The following PIK3AP1 variants were observed in gnomAD, a reference collection of about 807,000 sequenced individuals.
The protein encoded by PIK3AP1 is phosphoinositide 3-kinase adapter protein 1.
In PIK3AP1, 21 loss-of-function variants were observed where a neutral mutation model predicts 88.1. That is an observed-to-expected ratio of 0.24 (90% CI 0.17 to 0.34). The LOEUF (loss-of-function observed/expected upper bound fraction) is 0.34. Among genes scored for constraint, PIK3AP1 ranks in the 10% least tolerant of loss-of-function variants. The probability of loss-of-function intolerance (pLI) is 1.00; values close to 1 mark genes in which losing one functional copy is unlikely to be tolerated. For synonymous variants in PIK3AP1, 398 were observed against 400.0 expected (o/e 1.00, Z 0.06); for missense variants, 828 against 1,035.7 (o/e 0.80, Z 2.75).
intron 8 of PIK3AP1, among the ~76,000 whole-genome samples, chr10:96,639,547 T>G (rs943434831): frequency 2.6e-5 from 4 of 152,232 alleles, no homozygotes; most frequent in African/African-American, 9.6e-5. Flanking sequence ...CAATCCAGTG[T>G]GCTTTCACTA....
intron 1 of PIK3AP1, among the ~76,000 whole-genome samples, chr10:96,716,174 C>A (rs1255215170): frequency 6.6e-6 from 1 of 152,024 alleles, no homozygotes. Flanking sequence ...CCCAGCTACT[C>A]AGGAGGCTGA....
chr10:96,635,486 C>T (rs896394253), intron 8 of PIK3AP1, among the ~76,000 whole-genome samples: 2 of 152,230 alleles, frequency 1.3e-5, no homozygotes, highest in Non-Finnish European at 2.9e-5. Context: ...AGACCAGGAA[C>T]AGCAGATGCC....
At chr10:96,636,697 T>C (rs1267601296) in intron 8 of PIK3AP1, among the ~76,000 whole-genome samples, 1 of 152,198 alleles carries the variant, frequency 6.6e-6, no homozygotes, top group Non-Finnish European at 1.5e-5. Flanking sequence ...CAAAGTTCTT[T>C]CATTTCAGCA....
chr10:96,676,929 A>G (rs1265188233), intron 2 of PIK3AP1, among the ~76,000 whole-genome samples: 1 of 152,124 alleles, frequency 6.6e-6, no homozygotes, highest in African/African-American at 2.4e-5. Flanking sequence ...GAACCCTCCC[A>G]ACCAAGCCAA....
At chr10:96,628,905 T>TATATAC (rs1843196769) in intron 8 of PIK3AP1, among the ~76,000 whole-genome samples, 6 of 13,034 alleles carry the variant, frequency 4.6e-4, no homozygotes, top group Admixed American at 1.1e-3. Context: ...TATATATATA[T>TATATAC]ATGTGTATAT....
At chr10:96,676,308 CTTT>C (rs147680543) in intron 2 of PIK3AP1, among the ~76,000 whole-genome samples, 14 of 126,614 alleles carry the variant, frequency 1.1e-4, no homozygotes, top group Non-Finnish European at 1.2e-4. Flanking sequence ...TGTGACCTTG[CTTT>C]TTTTTTTTTT....
chr10:96,712,222 T>A (rs946681933), intron 1 of PIK3AP1, among the ~76,000 whole-genome samples: 2 of 152,134 alleles, frequency 1.3e-5, no homozygotes, highest in African/African-American at 4.8e-5. Context: ...GAAGGGAAGG[T>A]GTACAAATCT....
rs975126493 is a variant in PIK3AP1, at chr10:96,594,806, G to A, written c.*771C>T. 3.9e-5 allele frequency: 6 copies of A among 152,190 alleles called. No homozygotes were observed. The highest frequency in any genetic ancestry group is 1.4e-4 in the African/African-American group (6 of 41,442). The allele number at this position is 152,190 out of a possible 1,614,324, so 9.4% of individuals were successfully genotyped here. On this transcript the variant is annotated 3_prime_UTR_variant, in exon 17 of 17. Coordinates refer to ENST00000339364, the MANE Select transcript of PIK3AP1 (RefSeq NM_152309.3). The surrounding 1 kb of genome is among the most constrained non-coding windows in gnomAD (Gnocchi z 4.6). ...ACAAACTTGGTAGTCTCATGCCTGG[G>A]AGATACGGAAGATGGAAAATTCTGG...
intron 1 of PIK3AP1, among the ~76,000 whole-genome samples, chr10:96,717,247 G>C (rs1236955628): frequency 7.7e-6 from 1 of 129,112 alleles, no homozygotes; most frequent in African/African-American, 2.9e-5. Context: ...GACAGAGTGA[G>C]ACTCCGTCTC....
At chr10:96,626,335 T>C (rs1267681917) in intron 10 of PIK3AP1, among the ~76,000 whole-genome samples, 1 of 152,196 alleles carries the variant, frequency 6.6e-6, no homozygotes, top group South Asian at 2.1e-4. Context: ...CCTTACCTAA[T>C]AGGTTATTGT....
intron 2 of PIK3AP1, among the ~76,000 whole-genome samples, chr10:96,667,685 G>T (rs1216179964): frequency 1.3e-5 from 2 of 150,666 alleles, no homozygotes; most frequent in East Asian, 1.9e-4. Context: ...GGATGATAAA[G>T]GATTTTTTAA....
At chr10:96,691,206 C>T (rs186229864) in intron 2 of PIK3AP1, among the ~76,000 whole-genome samples, 24 of 152,248 alleles carry the variant, frequency 1.6e-4, no homozygotes, top group Non-Finnish European at 2.6e-4. Flanking sequence ...TGTACCTCCC[C>T]GAAACCCTCA....
At chr10:96,610,646 G>C (rs1849091085) in intron 13 of PIK3AP1, among the ~76,000 whole-genome samples, 1 of 152,316 alleles carries the variant, frequency 6.6e-6, no homozygotes, top group South Asian at 2.1e-4. Context: ...CAAGGCCCCT[G>C]GGGTAAAGAG....
intron 7 of PIK3AP1, 141 bp downstream of exon 7, chr10:96,648,518 A>G: frequency 1.1e-6 from 1 of 886,916 alleles, no homozygotes; most frequent in Non-Finnish European, 1.6e-6. Flanking sequence ...TCATTTCTTA[A>G]GCCCACACAT....
intron 7 of PIK3AP1, among the ~76,000 whole-genome samples, chr10:96,647,236 G>A (rs545369289): frequency 1.3e-5 from 2 of 152,098 alleles, no homozygotes; most frequent in Non-Finnish European, 2.9e-5. Flanking sequence ...TAACAAGCCC[G>A]GGCTTCAGTA....
At chr10:96,705,619 G>C (rs1160553837) in intron 2 of PIK3AP1, among the ~76,000 whole-genome samples, 1 of 116,584 alleles carries the variant, frequency 8.6e-6, no homozygotes, top group Admixed American at 1.0e-4. Flanking sequence ...TCACTCTGTT[G>C]ATCCCCAGGC....
intron 10 of PIK3AP1, among the ~76,000 whole-genome samples, chr10:96,626,017 G>A (rs1474089510): frequency 6.6e-6 from 1 of 152,048 alleles, no homozygotes; most frequent in Non-Finnish European, 1.5e-5. Context: ...CAAAGTACTG[G>A]GATTACAGGT....
rs1409062649 is a variant in PIK3AP1 at position 96,628,896 on chromosome 10, ATATATATATATGTG to A, written c.1376-417_1376-404del. ...TACACATATATATATATACATATAT[ATATATATATATGTG>A]TATATATATATATATATATGGCAAG... On this transcript the variant is annotated intron_variant, in intron 8 of 16. Transcript: ENST00000339364. 1.4e-3 allele frequency among the ~76,000 whole-genome samples: 37 copies of A among 25,522 alleles called. 1 individual carries two copies. Among genetic ancestry groups the A allele is most frequent in the South Asian group, 5.6e-3 (3 of 540 alleles). 16.7% of individuals were successfully genotyped at this position (25,522 alleles called of 152,430 possible). A position where few individuals can be genotyped will look rare whatever the true frequency, so the allele number is the denominator to read the frequency against.
intron 3 of PIK3AP1, among the ~76,000 whole-genome samples, chr10:96,654,667 G>A (rs142300990): frequency 5.9e-4 from 90 of 152,238 alleles, no homozygotes; most frequent in African/African-American, 1.7e-3. Flanking sequence ...GCCTGAAATC[G>A]GCAACAAGAA....
Sources: gnomAD v4.1 joint callset for allele counts (sites outside exome capture counted in the v4.1 genomes callset) on GRCh38, gnomAD v4.1.1 for gene constraint, Gnocchi (gnomAD v3.1) non-coding constraint, MANE v1.5 for transcripts, NCBI Gene and HGNC (gene_info 2026-07-23, HGNC 2026-07-21) for gene names.